The following SLC28A1 variants were observed in gnomAD, a reference collection of about 807,000 sequenced individuals.
The protein encoded by SLC28A1 is solute carrier family 28 member 1, also known as sodium/nucleoside cotransporter 1.
In SLC28A1, 64 loss-of-function variants were observed where a neutral mutation model predicts 74.8. That is an observed-to-expected ratio of 0.86 (90% CI 0.70 to 1.05). The LOEUF (loss-of-function observed/expected upper bound fraction) is 1.05, where lower values mean the gene tolerates loss of function less well. Among genes scored for constraint, SLC28A1 ranks in the 50% least tolerant of loss-of-function variants. The pLI is 0.00. For missense variants in SLC28A1, 828 were observed against 822.8 expected (o/e 1.01, Z -0.08); for synonymous variants, 359 against 335.0 (o/e 1.07, Z -0.78).
chr15:84,889,409 G>A (rs1320608801), intron 4 of SLC28A1, among the ~76,000 whole-genome samples: 1 of 152,146 alleles, frequency 6.6e-6, no homozygotes, highest in Admixed American at 6.5e-5. Flanking sequence ...GGGTGGTGGT[G>A]GGGGAGGGAT....
chr15:84,930,064 A>C (rs928721210), intron 12 of SLC28A1, among the ~76,000 whole-genome samples: 1 of 152,228 alleles, frequency 6.6e-6, no homozygotes, highest in Non-Finnish European at 1.5e-5. Context: ...TGAGCTGGAA[A>C]CTAGCAACTG....
chr15:84,894,863 G>T, intron 5 of SLC28A1, 77 bp from the exon 6 acceptor site: 1 of 1,401,180 alleles, frequency 7.1e-7, no homozygotes, highest in Non-Finnish European at 1.0e-6. Flanking sequence ...GAGTAAGGTG[G>T]AGTCCGCGGG....
chr15:84,944,933 G>C (rs890142380), intron 18 of SLC28A1, 66 bp downstream of exon 18: 2 of 1,253,342 alleles, frequency 1.6e-6, no homozygotes, highest in African/African-American at 1.5e-5. Flanking sequence ...TGAGCGCTGG[G>C]GGGGATGCCT....
the SLC28A1 span, among the ~76,000 whole-genome samples, chr15:84,951,632 T>C: frequency 6.6e-6 from 1 of 151,982 alleles, no homozygotes; most frequent in Non-Finnish European, 1.5e-5. Context: ...TTTGCCTCTT[T>C]CCTGCGGGGA....
At chr15:84,919,822 G>C (rs1969584067) in intron 10 of SLC28A1, among the ~76,000 whole-genome samples, 1 of 152,150 alleles carries the variant, frequency 6.6e-6, no homozygotes, top group African/African-American at 2.4e-5. Flanking sequence ...ATTTCAACAT[G>C]AGTTTAGGTG....
rs774634390 is a variant in SLC28A1, at chr15:84,944,772, C to T, written c.1779C>T (p.Pro593=). 3.1e-6 allele frequency: 5 copies of T among 1,613,768 alleles called. No individual in the cohort carries two copies. The African/African-American group carries it at 6.7e-5, about 22-fold the overall frequency. ...NACMAGILYM[P]RGAEVDCMSL... is the part of the protein sequence containing the mutation. Reference sequence around the variant, plus strand: ...CCTCTACAGGGATCCTCTACATGCCCAGGGGGGCTGAAGTTGACTGCATGT... The same window carrying T: ...CCTCTACAGGGATCCTCTACATGCCTAGGGGGGCTGAAGTTGACTGCATGT... Residue 593 remains proline, a synonymous_variant, in exon 18 of 19, where the codon CCC becomes CCT. Transcript: ENST00000394573.
the SLC28A1 span, among the ~76,000 whole-genome samples, chr15:84,951,527 A>G: frequency 1.3e-5 from 2 of 152,076 alleles, no homozygotes; most frequent in East Asian, 3.9e-4. Flanking sequence ...TGAGAGGGGA[A>G]TAAGTTTCTA....
intron 11 of SLC28A1, 38 bp from the exon 12 acceptor site, chr15:84,923,947 C>T: frequency 6.2e-7 from 1 of 1,613,760 alleles, no homozygotes; most frequent in Non-Finnish European, 8.5e-7. Flanking sequence ...TGCCCAATCA[C>T]CCCCACCCTG....
intron 9 of SLC28A1, among the ~76,000 whole-genome samples, chr15:84,912,025 C>G (rs1968329786): frequency 6.6e-6 from 1 of 152,228 alleles, no homozygotes; most frequent in South Asian, 2.1e-4. Flanking sequence ...TTCCTGGCCC[C>G]TGGTAGGCCC....
In SLC28A1 at chr15:84,945,360, G is replaced by C. The variant is rs915166863; in HGVS notation, c.*160G>C. On this transcript the variant is annotated 3_prime_UTR_variant, in exon 19 of 19. Coordinates refer to ENST00000394573, the MANE Select transcript of SLC28A1 (RefSeq NM_004213.5). ...GAAGGGTTCATGGAGTGAGTGTGCA[G>C]AGAGTGAGTGAGGACATAAGGAAGG... The C allele has an allele frequency of 4.3e-6, 3 of 700,666 alleles. No individual in the cohort carries two copies. The highest frequency in any genetic ancestry group is 7.9e-6 in the Non-Finnish European group (3 of 381,858). 43.4% of individuals were successfully genotyped at this position (700,666 alleles called of 1,614,324 possible). A position where few individuals can be genotyped will look rare whatever the true frequency, so the allele number is the denominator to read the frequency against.
At chr15:84,919,396 A>G (rs1309910339) in intron 10 of SLC28A1, among the ~76,000 whole-genome samples, 4 of 152,224 alleles carry the variant, frequency 2.6e-5, no homozygotes, top group Non-Finnish European at 4.4e-5. Flanking sequence ...ACCTGTGGTT[A>G]TTATCTTTGT....
chr15:84,958,663 C>T, the SLC28A1 span, among the ~76,000 whole-genome samples: 1 of 152,124 alleles, frequency 6.6e-6, no homozygotes, highest in Non-Finnish European at 1.5e-5. Flanking sequence ...AAGCCATCCT[C>T]CCACCTCAGC....
At chr15:84,934,036 A>G (rs540949668) in intron 13 of SLC28A1, among the ~76,000 whole-genome samples, 2 of 152,286 alleles carry the variant, frequency 1.3e-5, no homozygotes, top group Admixed American at 6.5e-5. Flanking sequence ...CATTAATCCA[A>G]CATTCAGGAA....
the SLC28A1 span, among the ~76,000 whole-genome samples, chr15:84,974,845 A>G: frequency 3.9e-5 from 6 of 152,062 alleles, no homozygotes; most frequent in Non-Finnish European, 8.8e-5. Flanking sequence ...GGTTCCCTGG[A>G]CGTGTGCTAT....
intron 17 of SLC28A1, 35 bp downstream of exon 17, chr15:84,944,699 C>A (rs751883212): frequency 1.1e-5 from 17 of 1,594,038 alleles, no homozygotes; most frequent in Middle Eastern, 1.7e-4. Context: ...GAAGGTGGAA[C>A]CCTGACTTTC....
intron 6 of SLC28A1, among the ~76,000 whole-genome samples, chr15:84,900,924 T>G (rs1442089928): frequency 7.2e-6 from 1 of 138,392 alleles, no homozygotes; most frequent in Non-Finnish European, 1.6e-5. Flanking sequence ...GTTAGTTGAT[T>G]AAAATTTAAT....
chr15:84,892,457 A>G (rs898697595), intron 5 of SLC28A1, among the ~76,000 whole-genome samples: 2 of 152,166 alleles, frequency 1.3e-5, no homozygotes, highest in African/African-American at 4.8e-5. Flanking sequence ...TCCTTCACTC[A>G]GATCTGATTT....
At chr15:84,887,263 A>G in intron 2 of SLC28A1, 1 of 642,476 alleles carries the variant, frequency 1.6e-6, no homozygotes, top group Non-Finnish European at 1.9e-6. Context: ...CTTCAGAAAA[A>G]TGCCTGTATC....
chr15:84,954,039 A>T, the SLC28A1 span, among the ~76,000 whole-genome samples: 4 of 152,224 alleles, frequency 2.6e-5, no homozygotes, highest in African/African-American at 9.6e-5. Context: ...GGATTTCTCC[A>T]TAAGACTGGA....
Sources: gnomAD v4.1 joint callset for allele counts (sites outside exome capture counted in the v4.1 genomes callset) on GRCh38, gnomAD v4.1.1 for gene constraint, MANE v1.5 for transcripts, NCBI Gene and HGNC (gene_info 2026-07-23, HGNC 2026-07-21) for gene names.